INO80: variants seen among roughly 807,000 people sequenced by gnomAD.
The protein encoded by INO80 is INO80 complex ATPase subunit.
Under a neutral mutation model 203.4 loss-of-function variants are expected in INO80, and 20 were observed. The observed-to-expected ratio is 0.10, with a 90% CI of 0.07 to 0.14. The LOEUF (loss-of-function observed/expected upper bound fraction) is 0.14, where lower values mean the gene tolerates loss of function less well. Among genes scored for constraint, INO80 ranks in the 10% least tolerant of loss-of-function variants. INO80 has a pLI of 1.00. For missense variants in INO80, 1,419 were observed against 1,914.4 expected (o/e 0.74, Z 4.83); for synonymous variants, 726 against 685.2 (o/e 1.06, Z -0.93).
At position 41,006,641 on chromosome 15, in the gene INO80, A is replaced by C. The variant is rs368481118; in HGVS notation, c.3403-954T>G. ...GCACATCAGGTTGCTGTAGTTTGGA[A>C]TATCTGGTGCAGCGTATGTGACAGC... On this transcript the variant is annotated intron_variant, in intron 27 of 35. Coordinates refer to ENST00000648947, the MANE Select transcript of INO80 (RefSeq NM_017553.3). 3.9e-5 allele frequency among the ~76,000 whole-genome samples: 6 copies of C among 152,190 alleles called. No individual in the cohort carries two copies. In the East Asian group the frequency reaches 9.6e-4, roughly 24 times the overall value.
intron 29 of INO80, among the ~76,000 whole-genome samples, chr15:40,989,945 G>C (rs945790968): frequency 2.6e-5 from 4 of 152,076 alleles, no homozygotes; most frequent in African/African-American, 9.7e-5. Flanking sequence ...TTCAGGTTTA[G>C]TTCAAGCTTC....
At chr15:41,060,572 A>G (rs2045085932) in intron 14 of INO80, among the ~76,000 whole-genome samples, 1 of 152,072 alleles carries the variant, frequency 6.6e-6, no homozygotes, top group South Asian at 2.1e-4. Flanking sequence ...AAAAAAAACA[A>G]AAAGATGTAA....
intron 25 of INO80, among the ~76,000 whole-genome samples, chr15:41,021,580 TA>T (rs1015593578): frequency 6.6e-6 from 1 of 152,232 alleles, no homozygotes; most frequent in Non-Finnish European, 1.5e-5. Flanking sequence ...AAGTCATCTT[TA>T]ATGCTTTTGT....
intron 27 of INO80, among the ~76,000 whole-genome samples, chr15:41,010,320 A>G (rs1186514783): frequency 1.3e-5 from 2 of 151,854 alleles, no homozygotes; most frequent in East Asian, 3.9e-4. Context: ...TTTCTCTTTT[A>G]ATTTTTTTTC....
At chr15:41,008,865 G>T (rs1470526640) in intron 27 of INO80, among the ~76,000 whole-genome samples, 3 of 152,030 alleles carry the variant, frequency 2.0e-5, no homozygotes, top group Admixed American at 6.6e-5. Flanking sequence ...ATGGAGTCTC[G>T]CTCTGTTGCC....
Position 41,047,451 on chromosome 15 carries a change from G to T in INO80, c.2692C>A (p.Pro898Thr). ...FSFLRFIDISPAEMANLMLQG... is the reference protein window; with the variant it reads ...FSFLRFIDISTAEMANLMLQG... The stretch of plus-strand genomic sequence containing the variant: ...AGCATAAGGTTTGCCATTTCTGCTG[G>T]AGATATATCAATAAAGCGAAGGAAA... Residue 898 changes from proline to threonine, a missense_variant, in exon 23 of 36, where the codon CCA becomes ACA. Physicochemically the swap from Pro to Thr is conservative, Grantham distance 38. Around this residue, in one of 9 missense-constraint regions of INO80, gnomAD observed 302 missense variants for 345.4 expected, o/e 0.87. Coordinates refer to ENST00000648947, the MANE Select transcript of INO80 (RefSeq NM_017553.3). 6.2e-7 allele frequency: 1 copy of T among 1,613,376 alleles called. No homozygotes were observed. The highest frequency in any genetic ancestry group is 8.5e-7 in the Non-Finnish European group (1 of 1,179,786).
At chr15:41,053,419 TGAA>T (rs1244399947) in intron 19 of INO80, among the ~76,000 whole-genome samples, 1 of 152,120 alleles carries the variant, frequency 6.6e-6, no homozygotes, top group African/African-American at 2.4e-5. Flanking sequence ...ATTAATTCTT[TGAA>T]GAAGAGAGAC....
At chr15:41,101,767 A>T (rs1447068653) in intron 1 of INO80, among the ~76,000 whole-genome samples, 1 of 151,542 alleles carries the variant, frequency 6.6e-6, no homozygotes, top group African/African-American at 2.4e-5. Context: ...AGCCAGGATG[A>T]TCTCGATCTC....
intron 1 of INO80, among the ~76,000 whole-genome samples, chr15:41,106,454 C>T (rs1003849084): frequency 4.0e-5 from 6 of 149,382 alleles, no homozygotes; most frequent in African/African-American, 1.5e-4. Flanking sequence ...CACAGTTAAA[C>T]TCTGTAAACT....
At chr15:41,106,511 C>T (rs752452849) in intron 1 of INO80, among the ~76,000 whole-genome samples, 1 of 151,878 alleles carries the variant, frequency 6.6e-6, no homozygotes, top group African/African-American at 2.4e-5. Context: ...TACCTGTAGT[C>T]CCAGCCCCAG....
intron 14 of INO80, among the ~76,000 whole-genome samples, chr15:41,064,233 T>C (rs2045169212): frequency 6.6e-6 from 1 of 152,158 alleles, no homozygotes; most frequent in Non-Finnish European, 1.5e-5. Flanking sequence ...ACACTGACAA[T>C]ATGCTGAGAC....
At chr15:40,981,541 A>G (rs1229617919) in intron 35 of INO80, among the ~76,000 whole-genome samples, 2 of 152,218 alleles carry the variant, frequency 1.3e-5, no homozygotes, top group Admixed American at 6.5e-5. Flanking sequence ...GCAGTAAGAG[A>G]AAAGGCAAGT....
intron 25 of INO80, among the ~76,000 whole-genome samples, chr15:41,025,672 G>A (rs2044364824): frequency 6.6e-6 from 1 of 152,158 alleles, no homozygotes; most frequent in Admixed American, 6.5e-5. Context: ...CCAAGGTTGT[G>A]TCACTGCACT....
intron 7 of INO80, 135 bp from the exon 8 acceptor site, chr15:41,081,208 T>G (rs1303130288): frequency 1.7e-6 from 1 of 601,816 alleles, no homozygotes; most frequent in East Asian, 2.8e-5. Flanking sequence ...CTTCTATAAG[T>G]CATCCAGATG....
chr15:40,983,739 C>G, intron 34 of INO80, 23 bp downstream of exon 34: 1 of 1,610,396 alleles, frequency 6.2e-7, no homozygotes, highest in Non-Finnish European at 8.5e-7. Flanking sequence ...CAGGCCCAAG[C>G]TGTACAAGAC....
At chr15:41,003,123 AAAAAC>A (rs1318151478) in intron 28 of INO80, among the ~76,000 whole-genome samples, 1 of 151,806 alleles carries the variant, frequency 6.6e-6, no homozygotes, top group Non-Finnish European at 1.5e-5. Flanking sequence ...CTGTCTCAGA[AAAAAC>A]AAAAACAAAA....
rs1196485434 is a variant in INO80 at position 40,979,274 on chromosome 15, A to G, written c.*949T>C. Reference sequence around the variant, plus strand: ...ATGCAAACACTGCCCCTCTGTCTCTACTGGAGGGCAGCAAGCTCAGGCTGG... The same window carrying G: ...ATGCAAACACTGCCCCTCTGTCTCTGCTGGAGGGCAGCAAGCTCAGGCTGG... On this transcript the variant is annotated 3_prime_UTR_variant, in exon 36 of 36. Transcript: ENST00000648947. 1 of 152,642 alleles carries G rather than the reference A, an allele frequency of 6.6e-6. No individual in the cohort carries two copies. Among genetic ancestry groups the G allele is most frequent in the Non-Finnish European group, 1.5e-5 (1 of 68,068 alleles). 9.5% of individuals were successfully genotyped at this position (152,642 alleles called of 1,614,324 possible). A position where few individuals can be genotyped will look rare whatever the true frequency, so the allele number is the denominator to read the frequency against.
intron 6 of INO80, 93 bp downstream of exon 6, chr15:41,087,469 G>A: frequency 7.6e-7 from 1 of 1,307,582 alleles, no homozygotes; most frequent in South Asian, 1.4e-5. Flanking sequence ...TCTACCATAT[G>A]GACTTATATA....
intron 21 of INO80, 46 bp from the exon 22 acceptor site, chr15:41,048,322 A>C: frequency 1.4e-6 from 2 of 1,425,842 alleles, no homozygotes; most frequent in Non-Finnish European, 2.0e-6. Flanking sequence ...AACATAAATA[A>C]TGGAAAGTTA....
Sources: allele counts gnomAD v4.1 joint callset (sites outside exome capture counted in the v4.1 genomes callset), GRCh38; gene constraint gnomAD v4.1.1; regional missense constraint gnomAD v4.1.1; transcripts MANE v1.5; gene names NCBI Gene and HGNC (gene_info 2026-07-23, HGNC 2026-07-21).